DNAH8: variants seen among roughly 807,000 people sequenced by gnomAD.
The protein encoded by DNAH8 is axonemal beta dynein heavy chain 8.
A neutral mutation model predicts 562.1 loss-of-function variants in DNAH8; 382 were observed. The ratio of observed to expected loss-of-function variants is 0.68; its 90% confidence interval spans 0.63 to 0.74. The LOEUF is 0.74. Among genes scored for constraint, DNAH8 ranks in the 30% least tolerant of loss-of-function variants. The pLI is 0.00. For synonymous variants in DNAH8, 1,881 were observed against 1,919.4 expected (o/e 0.98, Z 0.52); for missense variants, 5,203 against 5,620.4 (o/e 0.93, Z 2.37).
intron 21 of DNAH8, among the ~76,000 whole-genome samples, chr6:38,801,058 T>C (rs1770736392): frequency 6.6e-6 from 1 of 152,222 alleles, no homozygotes; most frequent in Admixed American, 6.5e-5. Flanking sequence ...TGATGAAGTC[T>C]AATTTATCAA....
intron 88 of DNAH8, among the ~76,000 whole-genome samples, chr6:39,007,928 C>T (rs183353579): frequency 8.7e-6 from 1 of 114,582 alleles, no homozygotes; most frequent in African/African-American, 2.8e-5. Context: ...GCACATACAG[C>T]GCCCCACCCC....
rs140920942 is a variant in DNAH8 at position 38,884,536 on chromosome 6, C to T, written c.8259+538C>T. Among the ~76,000 whole-genome samples the T allele has an allele frequency of 0.011, 1,602 of 152,226 alleles. 91 individuals carry two copies. In the East Asian group the frequency reaches 0.15, roughly 14 times the overall value. ...CTTGAACTCCTGACCTCAGATGATC[C>T]GCCCACCTCGGCCTCCCAAAGTGCT... On this transcript the variant is annotated intron_variant, in intron 56 of 92. Coordinates refer to ENST00000327475, the MANE Select transcript of DNAH8 (RefSeq NM_001206927.2).
rs921657030 is a variant in DNAH8, at chr6:38,783,047, T to C, written c.2303T>C (p.Ile768Thr). 1 of 1,613,970 alleles carries C rather than the reference T, an allele frequency of 6.2e-7. No homozygotes were observed. The highest frequency in any genetic ancestry group is 8.5e-7 in the Non-Finnish European group (1 of 1,179,826). ...ILSSPDGKAVIRQYNKISYVL... is the reference protein window; with the variant it reads ...ILSSPDGKAVTRQYNKISYVL... ...TCAAGTCCGGACGGTAAAGCTGTCATCCGTCAGTATAACAAGATCTCCTAT... is the reference window on the plus strand; with the variant it reads ...TCAAGTCCGGACGGTAAAGCTGTCACCCGTCAGTATAACAAGATCTCCTAT... The change falls in exon 17 of 93, where the codon ATC (isoleucine) becomes ACC (threonine). Residue 768 changes from isoleucine (I) to threonine (T), a missense_variant. Around this residue, in one of 6 missense-constraint regions of DNAH8, gnomAD observed 2,176 missense variants for 2,365.1 expected, o/e 0.92. Coordinates refer to ENST00000327475, the MANE Select transcript of DNAH8 (RefSeq NM_001206927.2).
intron 21 of DNAH8, among the ~76,000 whole-genome samples, chr6:38,797,929 G>T (rs1583032698): frequency 6.6e-6 from 1 of 152,012 alleles, no homozygotes; most frequent in East Asian, 1.9e-4. Context: ...CAATTCTTCG[G>T]CTTGGCTAAG....
intron 75 of DNAH8, chr6:38,931,376 A>G (rs1002301898): frequency 3.3e-5 from 5 of 152,292 alleles, no homozygotes; most frequent in African/African-American, 1.2e-4. Context: ...AGATATACCT[A>G]TGAAATTCAA....
chr6:38,808,133 T>C (rs1771464384), intron 24 of DNAH8, among the ~76,000 whole-genome samples: 1 of 152,224 alleles, frequency 6.6e-6, no homozygotes, highest in African/African-American at 2.4e-5. Context: ...CACTTCTATG[T>C]AGTTGGAGTA....
At position 38,938,720 on chromosome 6, in the gene DNAH8, ATG is replaced by A. The variant is rs1783183473; in HGVS notation, c.11817-74_11817-73del. 9 of 975,512 alleles carry A rather than the reference ATG, an allele frequency of 9.2e-6. No homozygotes were observed. In the East Asian group the frequency reaches 2.3e-4, roughly 24 times the overall value. 60.4% of individuals were successfully genotyped at this position (975,512 alleles called of 1,614,324 possible). On this transcript the variant is annotated intron_variant, in intron 78 of 92. Transcript: ENST00000327475. ...TAGGTTTACCGACGTACAAACCTTC[ATG>A]TGTACCCCTGAACTTGAAAGTTTTT...
At chr6:38,971,715 A>G (rs1229758785) in intron 83 of DNAH8, 50 bp downstream of exon 83, 3 of 1,390,504 alleles carry the variant, frequency 2.2e-6, no homozygotes, top group East Asian at 4.7e-5. Context: ...TAGAAACCCC[A>G]CAATCATGGA....
intron 63 of DNAH8, among the ~76,000 whole-genome samples, chr6:38,907,682 G>A (rs556693395): frequency 1.3e-5 from 2 of 152,286 alleles, no homozygotes; most frequent in African/African-American, 4.8e-5. Flanking sequence ...GGCACCCCTG[G>A]ACATTTTAAA....
intron 71 of DNAH8, among the ~76,000 whole-genome samples, chr6:38,922,640 C>T (rs561291327): frequency 2.6e-4 from 40 of 152,074 alleles, no homozygotes; most frequent in South Asian, 1.7e-3. Context: ...TGATACAAGC[C>T]GGCTGCTACA....
chr6:38,870,988 A>C (rs1202564365), intron 49 of DNAH8, among the ~76,000 whole-genome samples: 1 of 152,166 alleles, frequency 6.6e-6, no homozygotes, highest in Non-Finnish European at 1.5e-5. Context: ...CTTCACCTAC[A>C]CTAAAACCTG....
intron 87 of DNAH8, among the ~76,000 whole-genome samples, chr6:38,986,844 G>A (rs1764431863): frequency 6.7e-6 from 1 of 149,084 alleles, no homozygotes; most frequent in Non-Finnish European, 1.5e-5. Flanking sequence ...TTATTGGCTG[G>A]GGCTGGAAAT....
intron 30 of DNAH8, among the ~76,000 whole-genome samples, chr6:38,831,851 A>C (rs1377507100): frequency 6.6e-6 from 1 of 152,220 alleles, no homozygotes; most frequent in Non-Finnish European, 1.5e-5. Flanking sequence ...AAGTGCTGGC[A>C]ATTATTATTG....
intron 21 of DNAH8, among the ~76,000 whole-genome samples, chr6:38,801,196 G>A (rs972561170): frequency 2.6e-5 from 4 of 151,820 alleles, no homozygotes; most frequent in South Asian, 4.2e-4. Flanking sequence ...GAAATTTTAC[G>A]TCTATAATCC....
At chr6:38,993,451 C>T (rs1409282257) in intron 88 of DNAH8, among the ~76,000 whole-genome samples, 1 of 151,564 alleles carries the variant, frequency 6.6e-6, no homozygotes, top group African/African-American at 2.4e-5. Context: ...GGTTTTTTTC[C>T]CCCACATATG....
chr6:38,796,071 A>G (rs1436147602), intron 21 of DNAH8, among the ~76,000 whole-genome samples: 3 of 152,146 alleles, frequency 2.0e-5, no homozygotes, highest in African/African-American at 7.2e-5. Flanking sequence ...GGATTTACCA[A>G]TGGGTGTGCT....
rs2150418898 is a variant in DNAH8 at position 38,866,784 on chromosome 6, A to C, written c.6601A>C (p.Lys2201Gln). 1 of 1,612,462 alleles carries C rather than the reference A, an allele frequency of 6.2e-7. No individual in the cohort carries two copies. ...VPDRQIIMRV[K>Q]LASCGFLENV... ...TAATTTTCAGATCATTATGAGAGTT[A>C]AACTTGCAAGCTGTGGTTTTCTTGA... The change falls in exon 47 of 93, where the codon AAA becomes CAA. Residue 2201 changes from lysine (K) to glutamine (Q), a missense_variant. Physicochemically the swap from Lys to Gln is moderately conservative, Grantham distance 53 (BLOSUM62 1). Around this residue, in one of 6 missense-constraint regions of DNAH8, gnomAD observed 2,176 missense variants for 2,365.1 expected, o/e 0.92. Transcript: ENST00000327475.
intron 9 of DNAH8, among the ~76,000 whole-genome samples, chr6:38,753,185 T>A (rs1288827007): frequency 6.6e-6 from 1 of 152,170 alleles, no homozygotes; most frequent in Non-Finnish European, 1.5e-5. Context: ...TTGTAAAATT[T>A]GTTTAATATA....
intron 32 of DNAH8, 114 bp from the exon 33 acceptor site, chr6:38,837,828 T>C: frequency 1.4e-6 from 1 of 720,524 alleles, no homozygotes; most frequent in Non-Finnish European, 2.3e-6. Context: ...ATCCTTATTT[T>C]ATAGCTATTA....
Sources: allele counts gnomAD v4.1 joint callset (sites outside exome capture counted in the v4.1 genomes callset), GRCh38; gene constraint gnomAD v4.1.1; regional missense constraint gnomAD v4.1.1; transcripts MANE v1.5; gene names NCBI Gene and HGNC (gene_info 2026-07-23, HGNC 2026-07-21).